The following BTAF1 variants were observed in gnomAD, a reference collection of about 807,000 sequenced individuals.
BTAF1 encodes B-TFIID TATA-box binding protein associated factor 1.
A neutral mutation model predicts 227.1 loss-of-function variants in BTAF1; 38 were observed. The observed-to-expected ratio is 0.17, with a 90% CI of 0.13 to 0.22. The LOEUF is 0.22. BTAF1 is among the 10% of genes least tolerant of loss of function. BTAF1 has a pLI of 1.00. For synonymous variants in BTAF1, 742 were observed against 751.9 expected (o/e 0.99, Z 0.21); for missense variants, 1,598 against 2,204.0 (o/e 0.73, Z 5.51).
At chr10:92,028,748 CCT>C in intron 37 of BTAF1, 40 bp from the exon 38 acceptor site, 1 of 1,512,566 alleles carries the variant, frequency 6.6e-7, no homozygotes, top group Non-Finnish European at 8.9e-7. Context: ...GTGAAGTTAA[CCT>C]CTCATTTTAT....
intron 17 of BTAF1, 122 bp downstream of exon 17, chr10:91,982,347 T>TA (rs1848125392): frequency 7.3e-7 from 1 of 1,361,710 alleles, no homozygotes; most frequent in African/African-American, 1.5e-5. Flanking sequence ...TCACACTAAT[T>TA]ATAGCCTAAG....
In BTAF1 at chr10:91,956,596, C is replaced by T; in HGVS notation, c.770C>T (p.Ser257Phe). 6.2e-7 allele frequency: 1 copy of T among 1,608,426 alleles called. No homozygotes were observed. Among genetic ancestry groups the T allele is most frequent in the Non-Finnish European group, 8.5e-7 (1 of 1,177,944 alleles). ...RKIANVVINQSANDSKVLIDN... is the reference protein window; with the variant it reads ...RKIANVVINQFANDSKVLIDN... ...ATAGCAAATGTTGTTATTAATCAGT[C>T]TGCAAATGATTCCAAAGTCTTGATT... Residue 257 changes from serine (S) to phenylalanine (F), a missense_variant, in exon 7 of 38, where the codon TCT becomes TTT. This residue lies in a region of BTAF1 where 298 missense variants were observed against 395.2 expected (regional missense o/e 0.75). Transcript: ENST00000265990.
intron 28 of BTAF1, among the ~76,000 whole-genome samples, chr10:92,010,134 C>G (rs573902906): frequency 2.3e-3 from 353 of 152,162 alleles, no homozygotes; most frequent in Non-Finnish European, 4.0e-3. Flanking sequence ...TGTATTCTCA[C>G]AGTCACTTTA....
At chr10:91,966,864 G>T in intron 14 of BTAF1, 107 bp downstream of exon 14, 1 of 1,022,060 alleles carries the variant, frequency 9.8e-7, no homozygotes. Context: ...TCAGGACAAT[G>T]TTGGGCCTAG....
chr10:91,982,266 G>C, intron 17 of BTAF1, 41 bp downstream of exon 17: 1 of 1,612,894 alleles, frequency 6.2e-7, no homozygotes, highest in South Asian at 1.1e-5. Context: ...ACATTTACAA[G>C]TCTGGCTTTC....
At chr10:91,938,435 T>C (rs1467803010) in intron 2 of BTAF1, among the ~76,000 whole-genome samples, 4 of 152,190 alleles carry the variant, frequency 2.6e-5, no homozygotes, top group African/African-American at 9.7e-5. Context: ...TTTAGTTAAT[T>C]TTTGTGTATG....
intron 17 of BTAF1, 80 bp from the exon 18 acceptor site, chr10:91,982,507 A>G: frequency 6.8e-7 from 1 of 1,477,772 alleles, no homozygotes; most frequent in Non-Finnish European, 9.0e-7. Flanking sequence ...AATTATAGGA[A>G]ATTGAAAAAA....
chr10:91,996,557 T>G lies in BTAF1; in HGVS notation c.3498T>G (p.Ile1166Met). 1 of 1,614,150 alleles carries G rather than the reference T, an allele frequency of 6.2e-7. No individual in the cohort carries two copies. The highest frequency in any genetic ancestry group is 8.5e-7 in the Non-Finnish European group (1 of 1,179,966). Residue 1166 changes from isoleucine (I) to methionine (M), a missense_variant, in exon 24 of 38, where the codon ATT becomes ATG. Ile to Met is a conservative substitution (Grantham distance 10). Transcript: ENST00000265990. ...ACAGTGTCAAACAAGAGGGTGCAAT[T>G]GAAGCACTTGCCTGTATCCTTTTTC... ...IDDSVKQEGAIEALACVMEQL... is the reference protein window; with the variant it reads ...IDDSVKQEGAMEALACVMEQL...
chr10:91,990,277 A>AC (rs1364559386), intron 20 of BTAF1, among the ~76,000 whole-genome samples: 1 of 152,176 alleles, frequency 6.6e-6, no homozygotes, highest in African/African-American at 2.4e-5. Context: ...ATGTTTATGA[A>AC]CTAGAAGAAG....
At chr10:92,027,370 T>A in intron 37 of BTAF1, 70 bp downstream of exon 37, 1 of 1,412,448 alleles carries the variant, frequency 7.1e-7, no homozygotes, top group Non-Finnish European at 9.6e-7. Context: ...TTGAAAGTAT[T>A]AAAGGAGCAG....
intron 23 of BTAF1, 101 bp from the exon 24 acceptor site, chr10:91,996,268 C>T: frequency 2.1e-6 from 2 of 933,024 alleles, no homozygotes; most frequent in Non-Finnish European, 3.2e-6. Flanking sequence ...TTTTTAGAGT[C>T]ACTTAGAATA....
intron 14 of BTAF1, among the ~76,000 whole-genome samples, chr10:91,979,226 G>T (rs947225663): frequency 6.6e-6 from 1 of 152,102 alleles, no homozygotes; most frequent in Non-Finnish European, 1.5e-5. Flanking sequence ...TACTGTTGAT[G>T]GGCATTTAGG....
At chr10:92,028,324 A>G (rs1193720675) in intron 37 of BTAF1, among the ~76,000 whole-genome samples, 1 of 152,176 alleles carries the variant, frequency 6.6e-6, no homozygotes, top group Non-Finnish European at 1.5e-5. Context: ...TTGAAAACAG[A>G]CTGTATATTA....
chr10:92,006,062 A>G lies in BTAF1; in HGVS notation c.3661-2061A>G, dbSNP rs1392339989. ...CTATTTTTTAAAATTTTTTGTAGAG[A>G]TGGGGTCTTGCTATGTTACCCAGGC... On this transcript the variant is annotated intron_variant, in intron 25 of 37. Coordinates refer to ENST00000265990, the MANE Select transcript of BTAF1 (RefSeq NM_003972.3). 2.6e-5 allele frequency among the ~76,000 whole-genome samples: 4 copies of G among 152,028 alleles called. No individual in the cohort carries two copies. In the East Asian group the frequency reaches 5.8e-4, roughly 22 times the overall value.
At chr10:91,994,108 G>A (rs1848985533) in intron 22 of BTAF1, among the ~76,000 whole-genome samples, 1 of 152,134 alleles carries the variant, frequency 6.6e-6, no homozygotes, top group South Asian at 2.1e-4. Flanking sequence ...GAGGTCAGGA[G>A]TTTGAGACCA....
In BTAF1 at chr10:92,029,808, A is replaced by ATCTCCCTTTT. The variant is rs1851775664; in HGVS notation, c.*875_*876insTCTCCCTTTT. 2.0e-5 allele frequency: 3 copies of ATCTCCCTTTT among 152,456 alleles called. No homozygotes were observed. The South Asian group carries it at 6.2e-4, about 32-fold the overall frequency. The allele number at this position is 152,456 out of a possible 1,614,324, so 9.4% of individuals were successfully genotyped here. Reference sequence around the variant, plus strand: ...TGTAGTAATGCATGGCTGAAGCATAAAAGGGAGAGAGAATTTCTTTATATA... The same window carrying ATCTCCCTTTT: ...TGTAGTAATGCATGGCTGAAGCATAATCTCCCTTTTAAGGGAGAGAGAATTTCTTTATATA... On this transcript the variant is annotated 3_prime_UTR_variant, in exon 38 of 38. Transcript: ENST00000265990.
rs781182664 is a variant in BTAF1 at position 92,029,944 on chromosome 10, A to G, written c.*1011A>G. 7 of 152,566 alleles carry G rather than the reference A, an allele frequency of 4.6e-5. No homozygotes were observed. Among genetic ancestry groups the G allele is most frequent in the Non-Finnish European group, 7.4e-5 (5 of 67,966 alleles). The allele number at this position is 152,566 out of a possible 1,614,324, so 9.5% of individuals were successfully genotyped here. A position where few individuals can be genotyped will look rare whatever the true frequency, so the allele number is the denominator to read the frequency against. ...CATGTAGTTATACTGGGCAGCAATAATAATTGGGCATGAGGCTGATTACTC... is the reference window on the plus strand; with the variant it reads ...CATGTAGTTATACTGGGCAGCAATAGTAATTGGGCATGAGGCTGATTACTC... On this transcript the variant is annotated 3_prime_UTR_variant, in exon 38 of 38. Transcript: ENST00000265990.
At chr10:91,944,123 G>T (rs574305373) in intron 4 of BTAF1, among the ~76,000 whole-genome samples, 1 of 151,178 alleles carries the variant, frequency 6.6e-6, no homozygotes, top group South Asian at 2.1e-4. Flanking sequence ...TTGCACTCCA[G>T]CCTGGGTGAC....
intron 25 of BTAF1, among the ~76,000 whole-genome samples, chr10:92,002,544 T>TA (rs1849620980): frequency 6.6e-6 from 1 of 152,164 alleles, no homozygotes; most frequent in Non-Finnish European, 1.5e-5. Context: ...TGAGGATAAA[T>TA]ATATGAAGAT....
Sources: gnomAD v4.1 joint callset for allele counts (sites outside exome capture counted in the v4.1 genomes callset) on GRCh38, gnomAD v4.1.1 for gene constraint, gnomAD v4.1.1 regional missense constraint, MANE v1.5 for transcripts, NCBI Gene and HGNC (gene_info 2026-07-23, HGNC 2026-07-21) for gene names.